Variants in CTSK observed in about 807,000 individuals in gnomAD.
CTSK encodes the protein cathepsin K.
A neutral mutation model predicts 40.5 loss-of-function variants in CTSK; 26 were observed. The observed-to-expected ratio is 0.64, with a 90% CI of 0.47 to 0.89. CTSK has a LOEUF of 0.89. CTSK is among the 40% of genes least tolerant of loss of function. CTSK has a pLI of 0.00. For missense variants in CTSK, 292 were observed against 400.1 expected (o/e 0.73, Z 2.30); for synonymous variants, 132 against 143.2 (o/e 0.92, Z 0.56).
At position 150,807,248 on chromosome 1, in the gene CTSK, C is replaced by T. The variant is rs1454557664; in HGVS notation, c.-1-442G>A. The T allele has an allele frequency of 6.3e-6, 3 of 472,800 alleles. No individual in the cohort carries two copies. The East Asian group carries it at 2.1e-4, about 33-fold the overall frequency. The allele number at this position is 472,800 out of a possible 1,614,324, so 29.3% of individuals were successfully genotyped here. A position where few individuals can be genotyped will look rare whatever the true frequency, so the allele number is the denominator to read the frequency against. On this transcript the variant is annotated intron_variant, in intron 1 of 7. Coordinates refer to ENST00000271651, the MANE Select transcript of CTSK (RefSeq NM_000396.4). The stretch of plus-strand genomic sequence containing the variant: ...CAAGGTGGTAGTGGGGTTCAGAATA[C>T]ACAAAGGAGAGATTTCCGTCTAAGT...
At chr1:150,803,693 A>G (rs1395260792) in intron 5 of CTSK, among the ~76,000 whole-genome samples, 1 of 152,218 alleles carries the variant, frequency 6.6e-6, no homozygotes, top group Non-Finnish European at 1.5e-5. Flanking sequence ...ACAATTTGTG[A>G]AAATAGCATG....
chr1:150,797,399 T>C (rs954152843), intron 7 of CTSK, among the ~76,000 whole-genome samples: 2 of 152,028 alleles, frequency 1.3e-5, no homozygotes, highest in African/African-American at 4.8e-5. Flanking sequence ...GGATTTTGAG[T>C]GGGAGAGTGA....
intron 5 of CTSK, among the ~76,000 whole-genome samples, chr1:150,800,283 A>T (rs1249415063): frequency 6.6e-6 from 1 of 151,774 alleles, no homozygotes; most frequent in Non-Finnish European, 1.5e-5. Context: ...AGATTTTTTT[A>T]AAAAGCATAA....
chr1:150,806,315 A>T (rs989762442), intron 2 of CTSK, 91 bp from the exon 3 acceptor site: 2 of 1,464,188 alleles, frequency 1.4e-6, no homozygotes, highest in African/African-American at 2.8e-5. Flanking sequence ...GGAAACTCAC[A>T]ATCATAAAAG....
intron 5 of CTSK, among the ~76,000 whole-genome samples, chr1:150,803,053 A>T (rs1654023524): frequency 6.6e-6 from 1 of 152,214 alleles, no homozygotes; most frequent in Non-Finnish European, 1.5e-5. Flanking sequence ...ATTTTGGCAA[A>T]CAATTTGACA....
intron 5 of CTSK, among the ~76,000 whole-genome samples, chr1:150,802,098 T>C (rs1271486122): frequency 1.4e-5 from 2 of 147,774 alleles, no homozygotes; most frequent in Non-Finnish European, 3.0e-5. Context: ...GCCAACATGG[T>C]GAAACCCTGT....
At chr1:150,797,792 G>A (rs979779139) in intron 7 of CTSK, among the ~76,000 whole-genome samples, 2 of 152,090 alleles carry the variant, frequency 1.3e-5, no homozygotes, top group Admixed American at 6.6e-5. Context: ...CAGCTCTCTT[G>A]GAAGCTATCT....
At chr1:150,807,541 G>T in intron 1 of CTSK, 1 of 352,828 alleles carries the variant, frequency 2.8e-6, no homozygotes, top group South Asian at 2.2e-5. Context: ...CACTGTGGCT[G>T]CCGCAAAGGA....
chr1:150,798,955 G>A (rs757891398), intron 7 of CTSK, among the ~76,000 whole-genome samples: 13 of 152,042 alleles, frequency 8.6e-5, no homozygotes, highest in African/African-American at 2.2e-4. Context: ...ACCCAGTCTC[G>A]GGTATTCTTT....
chr1:150,802,447 C>T (rs1654012066), intron 5 of CTSK, among the ~76,000 whole-genome samples: 1 of 152,008 alleles, frequency 6.6e-6, no homozygotes, highest in Admixed American at 6.5e-5. Flanking sequence ...GGGACAGGGT[C>T]TCACTCTGTC....
At chr1:150,806,922 C>T in intron 1 of CTSK, 116 bp from the exon 2 acceptor site, 1 of 1,245,120 alleles carries the variant, frequency 8.0e-7, no homozygotes, top group Non-Finnish European at 1.2e-6. Context: ...CAATGATAGT[C>T]AGGAGGGGCC....
chr1:150,799,530 C>G lies in CTSK; in HGVS notation c.784+14G>C. 6.2e-7 allele frequency: 1 copy of G among 1,614,084 alleles called. No homozygotes were observed. Among genetic ancestry groups the G allele is most frequent in the Admixed American group, 1.7e-5 (1 of 60,024 alleles). ...CATAAAAGACAGTGCTGTATAGGAT[C>G]AGCAGCTTCTTACCTTTGCTGTAAA... On this transcript the variant is annotated intron_variant, in intron 6 of 7. Coordinates refer to ENST00000271651, the MANE Select transcript of CTSK (RefSeq NM_000396.4).
chr1:150,806,689 G>A lies in CTSK; in HGVS notation c.117C>T (p.Asn39=), dbSNP rs369459638. The change falls in exon 2 of 8, where the codon AAC becomes AAT. Residue 39 remains asparagine (N), a synonymous_variant. Transcript: ENST00000271651. ...WKKTHRKQYN[N]KVDEISRRLI... ...CCCCCTCCAGGACCCCAGGCACCTT[G>A]TTGTTATATTGCTTCCTGTGGGTCT... 1.7e-5 allele frequency: 27 copies of A among 1,613,908 alleles called. 1 individual carries two copies. In the East Asian group the frequency reaches 2.0e-4, roughly 12 times the overall value.
At chr1:150,798,073 C>T (rs1653908705) in intron 7 of CTSK, among the ~76,000 whole-genome samples, 1 of 152,060 alleles carries the variant, frequency 6.6e-6, no homozygotes. Flanking sequence ...TGGTGATCAG[C>T]CAGGAAAGGA....
intron 7 of CTSK, 53 bp downstream of exon 7, chr1:150,799,115 G>A (rs1653931178): frequency 1.7e-6 from 2 of 1,158,982 alleles, no homozygotes; most frequent in Admixed American, 1.7e-5. Flanking sequence ...CTGGAGGTGA[G>A]GTTGAGTGTT....
At chr1:150,804,941 G>T (rs1332547834) in intron 4 of CTSK, among the ~76,000 whole-genome samples, 4 of 152,174 alleles carry the variant, frequency 2.6e-5, no homozygotes, top group Admixed American at 2.6e-4. Flanking sequence ...GCTGGGCATG[G>T]TGGCTCATGT....
chr1:150,802,057 C>G (rs377367533), intron 5 of CTSK, among the ~76,000 whole-genome samples: 12 of 147,500 alleles, frequency 8.1e-5, no homozygotes, highest in African/African-American at 3.0e-4. Context: ...GCGGGCGGAC[C>G]ACCTGAGGTC....
chr1:150,796,585 A>G lies in CTSK; in HGVS notation c.*214T>C. On this transcript the variant is annotated 3_prime_UTR_variant, in exon 8 of 8. Coordinates refer to ENST00000271651, the MANE Select transcript of CTSK (RefSeq NM_000396.4). Reference sequence around the variant, plus strand: ...CTAAGAGTACACAGCTGTCAGGGAAAGTCCTGATGGCCACAGTGAAAAAGG... The same window carrying G: ...CTAAGAGTACACAGCTGTCAGGGAAGGTCCTGATGGCCACAGTGAAAAAGG... The G allele has an allele frequency of 1.6e-6, 1 of 635,060 alleles. No homozygotes were observed. Among genetic ancestry groups the G allele is most frequent in the South Asian group, 1.8e-5 (1 of 55,714 alleles). 39.3% of individuals were successfully genotyped at this position (635,060 alleles called of 1,614,324 possible).
At chr1:150,798,905 C>A (rs587754560) in intron 7 of CTSK, among the ~76,000 whole-genome samples, 1 of 152,198 alleles carries the variant, frequency 6.6e-6, no homozygotes, top group Non-Finnish European at 1.5e-5. Flanking sequence ...ACTAGTGCCA[C>A]GCTTTGTATA....
Sources: allele counts gnomAD v4.1 joint callset (sites outside exome capture counted in the v4.1 genomes callset), GRCh38; gene constraint gnomAD v4.1.1; transcripts MANE v1.5; gene names NCBI Gene and HGNC (gene_info 2026-07-23, HGNC 2026-07-21).